BNC2: variants seen among roughly 807,000 people sequenced by gnomAD.
The protein encoded by BNC2 is zinc finger protein basonuclin-2.
In BNC2, 20 loss-of-function variants were observed where a neutral mutation model predicts 76.3. That is an observed-to-expected ratio of 0.26 (90% confidence interval 0.18 to 0.38). The LOEUF is 0.38. BNC2 is among the 10% of genes least tolerant of loss of function. The probability of loss-of-function intolerance (pLI) is 1.00; values close to 1 mark genes in which losing one functional copy is unlikely to be tolerated. For synonymous variants in BNC2, 582 were observed against 514.8 expected, an observed-to-expected ratio of 1.13 and a Z score of -1.77; for missense variants, 1,382 against 1,399.8, an observed-to-expected ratio of 0.99 and a Z score of 0.20.
At chr9:16,701,925 G>A (rs1396681432) in intron 3 of BNC2, among the ~76,000 whole-genome samples, 2 of 92,322 alleles carry the variant, frequency 2.2e-5, no homozygotes, top group Non-Finnish European at 3.9e-5. Flanking sequence ...CTGGGTGACA[G>A]AACGAGACTC....
chr9:16,700,558 G>A (rs893746739), intron 3 of BNC2, among the ~76,000 whole-genome samples: 1 of 152,186 alleles, frequency 6.6e-6, no homozygotes, highest in South Asian at 2.1e-4. Context: ...CAATCCTCCT[G>A]ACTCAGCCTC....
chr9:16,549,661 T>A (rs10115468), intron 5 of BNC2, among the ~76,000 whole-genome samples: 152,352 of 152,358 alleles, frequency 1, 76,173 homozygotes, highest in Middle Eastern at 1. Context: ...TTTAGAAGAA[T>A]GGGTTTACTT....
chr9:16,844,142 A>G (rs2136109552), intron 1 of BNC2, among the ~76,000 whole-genome samples: 1 of 144,578 alleles, frequency 6.9e-6, no homozygotes, highest in Non-Finnish European at 1.6e-5. Flanking sequence ...AATTTCTCAT[A>G]AGTTTTTTTT....
intron 1 of BNC2, among the ~76,000 whole-genome samples, chr9:16,812,016 C>T (rs1818067624): frequency 6.6e-6 from 1 of 152,220 alleles, no homozygotes; most frequent in African/African-American, 2.4e-5. Flanking sequence ...TGCCTGCCCA[C>T]AAGGTTTTCC....
At chr9:16,639,914 C>T (rs1424490728) in intron 3 of BNC2, among the ~76,000 whole-genome samples, 3 of 151,776 alleles carry the variant, frequency 2.0e-5, no homozygotes, top group East Asian at 3.9e-4. Context: ...AGAGTGAGAC[C>T]CTGTCTCATT....
chr9:16,758,578 C>A (rs1268950814), intron 1 of BNC2, among the ~76,000 whole-genome samples: 2 of 152,154 alleles, frequency 1.3e-5, no homozygotes, highest in African/African-American at 4.8e-5. Flanking sequence ...ATCTGTCCAC[C>A]TCGGCCTCCC....
intron 5 of BNC2, among the ~76,000 whole-genome samples, chr9:16,524,066 C>T (rs1191314731): frequency 6.6e-6 from 1 of 152,222 alleles, no homozygotes; most frequent in African/African-American, 2.4e-5. Flanking sequence ...GCTGCTTCTT[C>T]AATCTCCACC....
intron 1 of BNC2, among the ~76,000 whole-genome samples, chr9:16,803,424 G>C (rs1039340231): frequency 2.6e-5 from 4 of 152,200 alleles, no homozygotes; most frequent in African/African-American, 7.2e-5. Context: ...GCAAGGGCTG[G>C]ATTATCCAGC....
chr9:16,745,233 A>G (rs1021797715), intron 1 of BNC2, among the ~76,000 whole-genome samples: 1 of 152,216 alleles, frequency 6.6e-6, no homozygotes, highest in African/African-American at 2.4e-5. Context: ...ACGTGTGTGA[A>G]AAGACATTTC....
At chr9:16,511,774 G>T (rs775861149) in intron 5 of BNC2, among the ~76,000 whole-genome samples, 10 of 151,966 alleles carry the variant, frequency 6.6e-5, no homozygotes, top group Non-Finnish European at 1.2e-4. Flanking sequence ...GAAGAATAAA[G>T]ACCTTTTGCC....
At chr9:16,714,773 A>G (rs919479747) in intron 3 of BNC2, among the ~76,000 whole-genome samples, 2 of 152,188 alleles carry the variant, frequency 1.3e-5, no homozygotes, top group South Asian at 2.1e-4. Context: ...ACGAAAATCA[A>G]TAACAGGATG....
chr9:16,838,556 C>T (rs745700955), intron 1 of BNC2, among the ~76,000 whole-genome samples: 1 of 151,962 alleles, frequency 6.6e-6, no homozygotes, highest in South Asian at 2.1e-4. Flanking sequence ...AGCGAAACTC[C>T]GTGTTAAAAA....
intron 3 of BNC2, among the ~76,000 whole-genome samples, chr9:16,613,484 T>C (rs918946021): frequency 6.6e-6 from 1 of 152,198 alleles, no homozygotes; most frequent in Admixed American, 6.5e-5. Flanking sequence ...TTATGGAGTA[T>C]TCCCCATTAC....
intron 5 of BNC2, among the ~76,000 whole-genome samples, chr9:16,458,442 G>A (rs180699054): frequency 5.3e-5 from 8 of 152,282 alleles, no homozygotes; most frequent in African/African-American, 1.7e-4. Flanking sequence ...TTTTGATTTT[G>A]TATTCAAATA....
intron 3 of BNC2, among the ~76,000 whole-genome samples, chr9:16,602,707 T>C (rs1030970665): frequency 1.3e-5 from 2 of 152,202 alleles, no homozygotes; most frequent in African/African-American, 4.8e-5. Flanking sequence ...ACCAACTTAC[T>C]GTACAGAAGC....
chr9:16,418,993 T>C lies in BNC2; in HGVS notation c.3296A>G (p.Asp1099Gly), dbSNP rs541082740. 1 of 1,613,980 alleles carries C rather than the reference T, an allele frequency of 6.2e-7. No homozygotes were observed. Among genetic ancestry groups the C allele is most frequent in the African/African-American group, 1.3e-5 (1 of 74,906 alleles). Residue 1099 changes from aspartate to glycine, a missense_variant, in exon 7 of 7, where the codon GAT becomes GGT. By Grantham distance (94) the Asp-to-Gly change is moderately conservative. Transcript: ENST00000380672. ...TTTGTAGTGTCCATTCTGAGACTAA[T>C]CTACTGAAGTGAAGGGAATGTTTTT... is the stretch of plus-strand genomic sequence containing the variant. ...LHKNIPFTSV[D>G]
At chr9:16,815,744 T>C (rs1818167275) in intron 1 of BNC2, among the ~76,000 whole-genome samples, 1 of 152,234 alleles carries the variant, frequency 6.6e-6, no homozygotes, top group South Asian at 2.1e-4. Flanking sequence ...ATTGGCTTTC[T>C]ATCAGGTTCT....
rs1014637348 is a variant in BNC2 at position 16,708,107 on chromosome 9, T to A, written c.330+19690A>T. Among the ~76,000 whole-genome samples the A allele has an allele frequency of 3.3e-5, 5 of 151,962 alleles. 1 individual carries two copies. Among genetic ancestry groups the A allele is most frequent in the Admixed American group, 6.6e-5 (1 of 15,264 alleles). ...AATACAGAACCTGCTGAAGAAAAAA[T>A]GTCGTATCAGTAAGTTCACTGAAAT... On this transcript the variant is annotated intron_variant, in intron 3 of 6. Coordinates refer to ENST00000380672, the MANE Select transcript of BNC2 (RefSeq NM_017637.6).
At chr9:16,845,473 G>A (rs1586930220) in intron 1 of BNC2, among the ~76,000 whole-genome samples, 2 of 152,194 alleles carry the variant, frequency 1.3e-5, no homozygotes, top group East Asian at 1.9e-4. Context: ...TGTAATCCCA[G>A]CAATTTGGGA....
Sources: allele counts gnomAD v4.1 joint callset (sites outside exome capture counted in the v4.1 genomes callset), GRCh38; gene constraint gnomAD v4.1.1; transcripts MANE v1.5; gene names NCBI Gene and HGNC (gene_info 2026-07-23, HGNC 2026-07-21).